The following CHLSN variants were observed in gnomAD, a reference collection of about 807,000 sequenced individuals.
CHLSN encodes the protein cholesin, also known as protein cholesin.
the CHLSN span, chr7:997,843 A>C: frequency 1.8e-6 from 2 of 1,106,538 alleles, no homozygotes; most frequent in Non-Finnish European, 2.7e-6. Context: ...GGGGCGGGGC[A>C]GGGAGGGGCC....
At chr7:997,842 C>A in the CHLSN span, 1 of 1,544,934 alleles carries the variant, frequency 6.5e-7, no homozygotes, top group South Asian at 1.2e-5. Flanking sequence ...AGGGGCGGGG[C>A]AGGGAGGGGC....
the CHLSN span, among the ~76,000 whole-genome samples, chr7:1,001,124 G>A: frequency 6.6e-6 from 1 of 152,178 alleles, no homozygotes; most frequent in African/African-American, 2.4e-5. Context: ...CGAAGCTGGC[G>A]CTGTGGGTAG....
chr7:980,582 A>G, the CHLSN span, among the ~76,000 whole-genome samples: 1 of 152,212 alleles, frequency 6.6e-6, no homozygotes, highest in African/African-American at 2.4e-5. Context: ...GATTGGAAAC[A>G]ATGTAAATAT....
the CHLSN span, among the ~76,000 whole-genome samples, chr7:1,104,864 C>T: frequency 6.6e-6 from 1 of 152,220 alleles, no homozygotes; most frequent in Non-Finnish European, 1.5e-5. Context: ...GCACACTATC[C>T]GCTTAGCCAG....
chr7:1,000,848 C>A, the CHLSN span, among the ~76,000 whole-genome samples: 1,228 of 152,312 alleles, frequency 8.1e-3, 12 homozygotes, highest in African/African-American at 0.029. Flanking sequence ...CCATGGGTCA[C>A]ACGGATTTTA....
the CHLSN span, among the ~76,000 whole-genome samples, chr7:1,017,690 C>G: frequency 6.6e-6 from 1 of 152,252 alleles, no homozygotes; most frequent in Admixed American, 6.5e-5. Flanking sequence ...GGGATCACCC[C>G]AACACGTGAA....
the CHLSN span, among the ~76,000 whole-genome samples, chr7:1,079,691 C>A: frequency 3.3e-5 from 5 of 152,226 alleles, no homozygotes; most frequent in Admixed American, 6.5e-5. Flanking sequence ...CAGGCCCTGG[C>A]GGGGGCTGGG....
At chr7:1,034,114 T>A in the CHLSN span, among the ~76,000 whole-genome samples, 3 of 152,208 alleles carry the variant, frequency 2.0e-5, no homozygotes, top group African/African-American at 7.2e-5. Context: ...CCGCAGACAG[T>A]CAGGGAGCTG....
At chr7:1,123,841 C>G in the CHLSN span, among the ~76,000 whole-genome samples, 2 of 152,066 alleles carry the variant, frequency 1.3e-5, no homozygotes, top group Non-Finnish European at 2.9e-5. This position sits in a 1 kb window ranked among gnomAD's most constrained non-coding sequence, Gnocchi z 4.4. Flanking sequence ...TCGGAAGGAA[C>G]GTGCTGCCGA....
the CHLSN span, among the ~76,000 whole-genome samples, chr7:1,094,850 G>A: frequency 6.6e-6 from 1 of 152,198 alleles, no homozygotes; most frequent in Non-Finnish European, 1.5e-5. Context: ...GTGGTGCTGG[G>A]CTCCTCAGGA....
At chr7:1,124,147 G>A in the CHLSN span, among the ~76,000 whole-genome samples, 1 of 151,968 alleles carries the variant, frequency 6.6e-6, no homozygotes, top group Non-Finnish European at 1.5e-5. Flanking sequence ...TAATCAACAC[G>A]TATTTTAATA....
At chr7:1,121,617 G>T in the CHLSN span, among the ~76,000 whole-genome samples, 7,475 of 152,292 alleles carry the variant, frequency 0.049, 617 homozygotes, top group African/African-American at 0.17. Context: ...GCTCCCTTCC[G>T]CTGACCACCA....
the CHLSN span, chr7:989,061 C>T: frequency 8.7e-6 from 4 of 458,206 alleles, no homozygotes; most frequent in Non-Finnish European, 1.5e-5. Flanking sequence ...CTGCCAGCCC[C>T]CAGGAGCGCC....
chr7:1,005,614 G>A, the CHLSN span, among the ~76,000 whole-genome samples: 1 of 152,242 alleles, frequency 6.6e-6, no homozygotes, highest in African/African-American at 2.4e-5. Context: ...CCTAAGCTCC[G>A]CTGATGGGAC....
the CHLSN span, among the ~76,000 whole-genome samples, chr7:1,006,391 C>T: frequency 8.0e-5 from 12 of 150,274 alleles, no homozygotes; most frequent in African/African-American, 2.7e-4. Flanking sequence ...AGGGAAAGAG[C>T]GCACGACGGC....
chr7:1,058,010 C>G, the CHLSN span: 3 of 769,974 alleles, frequency 3.9e-6, no homozygotes, highest in African/African-American at 1.7e-5. Flanking sequence ...CGCTGCTCTT[C>G]TACATCTGCA....
At chr7:1,040,928 G>A in the CHLSN span, among the ~76,000 whole-genome samples, 16,296 of 152,274 alleles carry the variant, frequency 0.11, 1,155 homozygotes, top group Middle Eastern at 0.2. Flanking sequence ...GCCGCGCTCC[G>A]TGAGTGAGTG....
At chr7:1,027,447 G>A in the CHLSN span, among the ~76,000 whole-genome samples, 1 of 152,228 alleles carries the variant, frequency 6.6e-6, no homozygotes, top group Non-Finnish European at 1.5e-5. Context: ...GGACCAGCAC[G>A]GGGCCGCCAC....
the CHLSN span, chr7:984,624 G>T: frequency 6.6e-7 from 1 of 1,520,682 alleles, no homozygotes; most frequent in Non-Finnish European, 8.8e-7. Flanking sequence ...GGGGCACCTG[G>T]ACCCCAGGAG....
Sources: gnomAD v4.1 joint callset for allele counts (sites outside exome capture counted in the v4.1 genomes callset) on GRCh38, gnomAD v4.1.1 for gene constraint, Gnocchi (gnomAD v3.1) non-coding constraint, MANE v1.5 for transcripts, NCBI Gene and HGNC (gene_info 2026-07-23, HGNC 2026-07-21) for gene names.